EIF4G1: variants seen among roughly 807,000 people sequenced by gnomAD.
The protein encoded by EIF4G1 is eukaryotic translation initiation factor 4 gamma 1, also known as EIF4-gamma.
Under a neutral mutation model 187.8 loss-of-function variants are expected in EIF4G1, and 4 were observed. The observed-to-expected ratio is 0.02, with a 90% CI of 0.01 to 0.05. The LOEUF is 0.05. EIF4G1 is among the 10% of genes least tolerant of loss of function. EIF4G1 has a pLI of 1.00. For missense variants in EIF4G1, 1,647 were observed against 2,081.1 expected, an observed-to-expected ratio of 0.79 and a Z score of 4.06; for synonymous variants, 844 against 781.4, an observed-to-expected ratio of 1.08 and a Z score of -1.34.
At chr3:184,329,553 G>A (rs937864141) in intron 28 of EIF4G1, among the ~76,000 whole-genome samples, 11 of 152,110 alleles carry the variant, frequency 7.2e-5, no homozygotes, top group Admixed American at 4.6e-4. Flanking sequence ...CACTTGACCC[G>A]GGAGGCGGAG....
Position 184,328,892 on chromosome 3 carries a change from T to G in EIF4G1, c.4080-17T>G, listed in dbSNP as rs1577244445. ...AACTGTGGAGGCTGTCAGCATTAGG[T>G]TTTTCTCTTCTTGTAGGGAGATTAC... On this transcript the variant is annotated splice_polypyrimidine_tract_variant and intron_variant, in intron 27 of 32. Transcript: ENST00000346169. 2 of 1,613,938 alleles carry G rather than the reference T, an allele frequency of 1.2e-6. No individual in the cohort carries two copies. Among genetic ancestry groups the G allele is most frequent in the South Asian group, 1.1e-5 (1 of 91,060 alleles).
intron 1 of EIF4G1, 47 bp from the exon 2 acceptor site, chr3:184,315,442 C>T (rs755150739): frequency 5.3e-6 from 3 of 570,928 alleles, no homozygotes; most frequent in Admixed American, 1.9e-5. Flanking sequence ...TCTGGTTGGT[C>T]TGGGGCCCCG....
chr3:184,317,561 GAC>G lies in EIF4G1; in HGVS notation c.324+65_324+66del, dbSNP rs932648366. Reference sequence around the variant, plus strand: ...CTATACCTCTCACTTAACTCACCCTGACCCTCCAGTTCCATTGCTTTTCCAGA... The same window carrying G: ...CTATACCTCTCACTTAACTCACCCTGCCTCCAGTTCCATTGCTTTTCCAGA... On this transcript the variant is annotated intron_variant, in intron 5 of 32. Coordinates refer to ENST00000346169, the MANE Select transcript of EIF4G1 (RefSeq NM_198241.3). The G allele has an allele frequency of 3.2e-5, 51 of 1,597,408 alleles. No homozygotes were observed. In the African/African-American group the frequency reaches 5.4e-4, roughly 17 times the overall value.
intron 28 of EIF4G1, among the ~76,000 whole-genome samples, chr3:184,330,940 A>G (rs1295982119): frequency 6.6e-6 from 1 of 152,018 alleles, no homozygotes; most frequent in African/African-American, 2.4e-5. Context: ...GGGTTTCACC[A>G]TGTTGGTCAG....
chr3:184,326,626 G>A lies in EIF4G1; in HGVS notation c.3322G>A (p.Ala1108Thr), dbSNP rs1412041818. The A allele has an allele frequency of 3.1e-6, 5 of 1,609,252 alleles. No individual in the cohort carries two copies. The South Asian group carries it at 3.3e-5, about 11-fold the overall frequency. The change falls in exon 22 of 33, where the codon GCA becomes ACA. Residue 1108 changes from alanine (A) to threonine (T), a missense_variant. By Grantham distance (58) the Ala-to-Thr change is moderately conservative. Around this residue, in one of 11 missense-constraint regions of EIF4G1, gnomAD observed 142 missense variants for 296.6 expected, o/e 0.48. Coordinates refer to ENST00000346169, the MANE Select transcript of EIF4G1 (RefSeq NM_198241.3). ...AGGCTCAGGAGCCAAGCCCTCAGAC[G>A]CAGGTATGGAGGCAGTGTCAGGAGC... ...SGGSGAKPSDAASEAARPATS... is the reference protein window; with the variant it reads ...SGGSGAKPSDTASEAARPATS...
chr3:184,335,011 C>A lies in EIF4G1; in HGVS notation c.*103C>A. ...GCAGCAGCGGCGGTGGCAGTGGGTG[C>A]CTGTAGTGTGATGTGTCTGAACTAA... On this transcript the variant is annotated 3_prime_UTR_variant, in exon 33 of 33. Coordinates refer to ENST00000346169, the MANE Select transcript of EIF4G1 (RefSeq NM_198241.3). The A allele has an allele frequency of 1.4e-6, 2 of 1,473,238 alleles. No individual in the cohort carries two copies. The highest frequency in any genetic ancestry group is 1.9e-6 in the Non-Finnish European group (2 of 1,076,932). The allele number at this position is 1,473,238 out of a possible 1,614,324, so 91.3% of individuals were successfully genotyped here. A position where few individuals can be genotyped will look rare whatever the true frequency, so the allele number is the denominator to read the frequency against.
chr3:184,316,774 A>G (rs1016545939), intron 4 of EIF4G1: 2 of 1,585,114 alleles, frequency 1.3e-6, no homozygotes, highest in East Asian at 2.2e-5. Flanking sequence ...TTCTGGTCTC[A>G]TCCTTACCCT....
chr3:184,331,576 C>T lies in EIF4G1; in HGVS notation c.4365C>T (p.Ser1455=). 1.2e-6 allele frequency: 2 copies of T among 1,602,302 alleles called. No individual in the cohort carries two copies. The highest frequency in any genetic ancestry group is 1.7e-6 in the Non-Finnish European group (2 of 1,178,640). Residue 1455 remains serine (S), a synonymous_variant, in exon 30 of 33, where the codon AGC becomes AGT. Coordinates refer to ENST00000346169, the MANE Select transcript of EIF4G1 (RefSeq NM_198241.3). ...TGGAGAAGCTGCTGAAGGAGGGCAG[C>T]AGTAACCAGCGGGTGTTCGACTGGA... ...RQLEKLLKEG[S]SNQRVFDWIE...
At position 184,324,293 on chromosome 3, in the gene EIF4G1, A is replaced by T; in HGVS notation, c.2565A>T (p.Lys855Asn). 1 of 1,614,238 alleles carries T rather than the reference A, an allele frequency of 6.2e-7. No homozygotes were observed. Among genetic ancestry groups the T allele is most frequent in the Non-Finnish European group, 8.5e-7 (1 of 1,180,038 alleles). Reference protein sequence around the residue: ...NRCQKEFEKDKDDDEVFEKKQ... With the variant: ...NRCQKEFEKDNDDDEVFEKKQ... ...GTCAGAAGGAGTTTGAGAAAGACAA[A>T]GATGATGATGAGGTTTTTGAGAAGA... The change falls in exon 17 of 33, where the codon AAA becomes AAT. Residue 855 changes from lysine (K) to asparagine (N), a missense_variant. Coordinates refer to ENST00000346169, the MANE Select transcript of EIF4G1 (RefSeq NM_198241.3).
rs1413808580 is a variant in EIF4G1, at chr3:184,315,543, G to C, written c.-37G>C. The C allele has an allele frequency of 1.3e-6, 1 of 746,152 alleles. No homozygotes were observed. Among genetic ancestry groups the C allele is most frequent in the Non-Finnish European group, 2.5e-6 (1 of 403,326 alleles). 46.2% of individuals were successfully genotyped at this position (746,152 alleles called of 1,614,324 possible). A position where few individuals can be genotyped will look rare whatever the true frequency, so the allele number is the denominator to read the frequency against. On this transcript the variant is annotated splice_region_variant and 5_prime_UTR_variant, in exon 2 of 33. Transcript: ENST00000346169. ...CACCGTGGACTTGTTCTTAATCGAG[G>C]GGGTGAGTGAGGGGTCTGTTTCAGT... is the stretch of plus-strand genomic sequence containing the variant.
Position 184,319,797 on chromosome 3 carries a change from A to G in EIF4G1, c.533A>G (p.Lys178Arg), listed in dbSNP as rs1231396787. 5.6e-6 allele frequency: 9 copies of G among 1,595,478 alleles called. No individual in the cohort carries two copies. The Admixed American group carries it at 8.7e-5, about 15-fold the overall frequency. ...PPQIAPKRER[K>R]TIRIRDPNQG... ...CAGATTGCTCCCAAGAGGGAGCGTA[A>G]GACGGTGAGTAGCAGTGAGGGGCTC... Residue 178 changes from lysine to arginine, a missense_variant, in exon 7 of 33, where the codon AAG becomes AGG. Coordinates refer to ENST00000346169, the MANE Select transcript of EIF4G1 (RefSeq NM_198241.3).
chr3:184,331,238 T>TCCA, intron 28 of EIF4G1, 28 bp from the exon 29 acceptor site: 1 of 1,611,942 alleles, frequency 6.2e-7, no homozygotes, highest in Admixed American at 1.7e-5. Flanking sequence ...AGAGCTTTGG[T>TCCA]AAGCTGGGTT....
At chr3:184,320,538 G>A (rs760069977) in intron 7 of EIF4G1, 92 bp from the exon 8 acceptor site, 7 of 1,606,532 alleles carry the variant, frequency 4.4e-6, no homozygotes, top group African/African-American at 4.0e-5. Flanking sequence ...CCGCTGGGGG[G>A]TGGGGAGTTG....
At chr3:184,315,117 G>A in intron 1 of EIF4G1, 1 of 329,416 alleles carries the variant, frequency 3.0e-6, no homozygotes, top group South Asian at 2.2e-5. Flanking sequence ...GGCGGTGGCG[G>A]CGGGCAGGGA....
chr3:184,322,505 G>A, intron 11 of EIF4G1, 39 bp from the exon 12 acceptor site: 2 of 1,614,020 alleles, frequency 1.2e-6, no homozygotes, highest in Admixed American at 3.3e-5. Flanking sequence ...TGGAGCAGTG[G>A]TCATTCTGCA....
At chr3:184,332,539 G>A (rs115044772) in intron 32 of EIF4G1, among the ~76,000 whole-genome samples, 1 of 152,144 alleles carries the variant, frequency 6.6e-6, no homozygotes, top group Non-Finnish European at 1.5e-5. Flanking sequence ...GTATGTGTCA[G>A]GGCATTGGCA....
Position 184,329,001 on chromosome 3 carries a change from G to T in EIF4G1, c.4161+11G>T. 6.2e-7 allele frequency: 1 copy of T among 1,614,024 alleles called. No homozygotes were observed. The highest frequency in any genetic ancestry group is 2.2e-5 in the East Asian group (1 of 44,880). The stretch of plus-strand genomic sequence containing the variant: ...CTGTGCAAAAGCATGGTGAGTGAGG[G>T]CCAGGAGTCCAGAGATGCCTCCCAC... On this transcript the variant is annotated intron_variant, in intron 28 of 32. Coordinates refer to ENST00000346169, the MANE Select transcript of EIF4G1 (RefSeq NM_198241.3).
Position 184,327,363 on chromosome 3 carries a change from G to C in EIF4G1, c.3576G>C (p.Glu1192Asp). 6.2e-7 allele frequency: 1 copy of C among 1,613,678 alleles called. No homozygotes were observed. The stretch of plus-strand genomic sequence containing the variant: ...GGAGCTTCAGCAAGGAAGTGGAGGA[G>C]CGGAGTAGAGAACGGCCCTCCCAGC... The part of the protein sequence containing the change: ...TKRSFSKEVE[E>D]RSRERPSQPE... Residue 1192 changes from glutamate (E) to aspartate (D), a missense_variant, in exon 24 of 33, where the codon GAG becomes GAC. Physicochemically the swap from Glu to Asp is conservative, Grantham distance 45. Transcript: ENST00000346169.
chr3:184,328,105 C>T (rs186102251), intron 26 of EIF4G1, 103 bp downstream of exon 26: 172 of 1,397,422 alleles, frequency 1.2e-4, no homozygotes, highest in Non-Finnish European at 1.4e-4. Flanking sequence ...GTTCCCTGGC[C>T]GGGTGTGGTG....
Sources: allele counts gnomAD v4.1 joint callset (sites outside exome capture counted in the v4.1 genomes callset), GRCh38; gene constraint gnomAD v4.1.1; regional missense constraint gnomAD v4.1.1; transcripts MANE v1.5; gene names NCBI Gene and HGNC (gene_info 2026-07-23, HGNC 2026-07-21).